Variants in ARID5B observed in about 807,000 individuals in gnomAD.
ARID5B encodes the protein AT-rich interactive domain-containing protein 5B.
ARID5B carries 13 observed loss-of-function variants against 97.2 expected under a neutral mutation model. The ratio of observed to expected loss-of-function variants is 0.13; its 90% CI spans 0.09 to 0.21. The LOEUF (loss-of-function observed/expected upper bound fraction) is 0.21, where lower values mean the gene tolerates loss of function less well. Among genes scored for constraint, ARID5B ranks in the 10% least tolerant of loss-of-function variants. ARID5B has a pLI of 1.00. For synonymous variants in ARID5B, 556 were observed against 570.3 expected (o/e 0.97, Z 0.36); for missense variants, 1,210 against 1,465.3 (o/e 0.83, Z 2.84).
Position 61,957,979 on chromosome 10 carries a change from C to T in ARID5B, c.502+17571C>T, listed in dbSNP as rs117602071. On this transcript the variant is annotated intron_variant, in intron 3 of 9. Coordinates refer to ENST00000279873, the MANE Select transcript of ARID5B (RefSeq NM_032199.3). ...GGGACCCAGTCACTGCCCTCAACTA[C>T]GGCCTTCATTTTGAGGTTGTCCACC... Among the ~76,000 whole-genome samples the T allele has an allele frequency of 7.7e-3, 1,166 of 152,276 alleles. 5 individuals carry two copies. Among genetic ancestry groups the T allele is most frequent in the Non-Finnish European group, 0.012 (786 of 68,028 alleles).
intron 3 of ARID5B, among the ~76,000 whole-genome samples, chr10:61,983,897 T>G (rs1838812451): frequency 8.0e-5 from 1 of 12,502 alleles, no homozygotes; most frequent in East Asian, 3.7e-3. Flanking sequence ...TTTTTTTTTT[T>G]TGAGACGGAG....
intron 2 of ARID5B, among the ~76,000 whole-genome samples, chr10:61,902,682 TG>T (rs1393932944): frequency 2.0e-5 from 3 of 149,192 alleles, no homozygotes; most frequent in Non-Finnish European, 4.5e-5. Context: ...GATGTGTGTG[TG>T]TGTGTGTGTG....
rs1554843604 is a variant in ARID5B, at chr10:62,000,874, T to TAGATA, written c.733+553_733+554insAGATA. On this transcript the variant is annotated intron_variant, in intron 4 of 9. Transcript: ENST00000279873. The surrounding 1 kb of genome is among the most constrained non-coding windows in gnomAD (Gnocchi z 4.4). Reference sequence around the variant, plus strand: ...ATAGATAGATAGATAGATAGATAGATGATAGGTGATAGATATCCATGTCCT... The same window carrying TAGATA: ...ATAGATAGATAGATAGATAGATAGATAGATAGATAGGTGATAGATATCCATGTCCT... Among the ~76,000 whole-genome samples, 2 of 148,094 alleles carry TAGATA rather than the reference T, an allele frequency of 1.4e-5. No homozygotes were observed. Among genetic ancestry groups the TAGATA allele is most frequent in the African/African-American group, 2.5e-5 (1 of 39,958 alleles).
intron 3 of ARID5B, among the ~76,000 whole-genome samples, chr10:61,977,871 G>T (rs187247692): frequency 6.6e-6 from 1 of 152,070 alleles, no homozygotes; most frequent in Admixed American, 6.6e-5. Flanking sequence ...TAATTAGATC[G>T]CATTTGTCAA....
chr10:61,946,720 A>G (rs1417509659), intron 3 of ARID5B, among the ~76,000 whole-genome samples: 1 of 152,198 alleles, frequency 6.6e-6, no homozygotes. Context: ...CAGGAGTTCA[A>G]GATCAGCCTG....
At chr10:61,995,567 A>C (rs1244765167) in intron 3 of ARID5B, among the ~76,000 whole-genome samples, 1 of 152,092 alleles carries the variant, frequency 6.6e-6, no homozygotes, top group Non-Finnish European at 1.5e-5. Context: ...AGATCTGGAA[A>C]TCTCTCCCCA....
chr10:62,021,066 A>ATATATATATATATATC (rs1487253733), intron 4 of ARID5B, among the ~76,000 whole-genome samples: 1 of 133,326 alleles, frequency 7.5e-6, no homozygotes, highest in Non-Finnish European at 1.6e-5. Flanking sequence ...ATATATATAT[A>ATATATATATATATATC]TATCTCAGAA....
At chr10:62,086,699 A>AC (rs1840287049) in intron 9 of ARID5B, among the ~76,000 whole-genome samples, 1 of 127,676 alleles carries the variant, frequency 7.8e-6, no homozygotes, top group Non-Finnish European at 1.7e-5. Flanking sequence ...TCAAAAAAAA[A>AC]AAAAAAAAAA....
intron 4 of ARID5B, among the ~76,000 whole-genome samples, chr10:62,022,319 C>T (rs1434327687): frequency 6.6e-6 from 1 of 152,228 alleles, no homozygotes; most frequent in Non-Finnish European, 1.5e-5. Flanking sequence ...TTACTTGTGT[C>T]TCACAGCTGC....
chr10:61,991,286 G>A (rs982440441), intron 3 of ARID5B, among the ~76,000 whole-genome samples: 1 of 152,022 alleles, frequency 6.6e-6, no homozygotes, highest in African/African-American at 2.4e-5. Flanking sequence ...TTTCATCATG[G>A]CTGCACCATT....
chr10:62,068,582 G>A (rs1018366225), intron 7 of ARID5B, among the ~76,000 whole-genome samples: 3 of 150,260 alleles, frequency 2.0e-5, no homozygotes, highest in African/African-American at 2.5e-5. Context: ...GGTGAACTCC[G>A]CTGGCAGCCT....
intron 2 of ARID5B, among the ~76,000 whole-genome samples, chr10:61,924,742 T>C (rs1010514883): frequency 2.0e-5 from 3 of 152,248 alleles, no homozygotes; most frequent in African/African-American, 7.2e-5. Context: ...GCTCTTCTAA[T>C]TAATGGCAAC....
intron 4 of ARID5B, among the ~76,000 whole-genome samples, chr10:62,017,259 C>T (rs1839295908): frequency 6.6e-6 from 1 of 152,116 alleles, no homozygotes; most frequent in Non-Finnish European, 1.5e-5. Context: ...TGAAGACCAG[C>T]CTGGCCAACA....
At chr10:61,902,673 ATGTG>A (rs59459790) in intron 2 of ARID5B, among the ~76,000 whole-genome samples, 7,008 of 148,236 alleles carry the variant, frequency 0.047, 196 homozygotes, top group South Asian at 0.075. Flanking sequence ...TTGTTCAAGG[ATGTG>A]TGTGTGTGTG....
At chr10:61,955,639 A>G (rs1370485731) in intron 3 of ARID5B, among the ~76,000 whole-genome samples, 1 of 152,052 alleles carries the variant, frequency 6.6e-6, no homozygotes, top group Non-Finnish European at 1.5e-5. Flanking sequence ...CCCTTTGCAG[A>G]AATCTTTTTT....
At position 62,093,008 on chromosome 10, in the gene ARID5B, T is replaced by G; in HGVS notation, c.3545T>G (p.Val1182Gly). Reference protein sequence around the residue: ...AAFPSSQLSSVHPSTKL With the variant: ...AAFPSSQLSSGHPSTKL ...TTTCCATCTTCCCAGCTGTCATCCGTGCACCCCAGTACAAAACTGTAGGCT... is the reference window on the plus strand; with the variant it reads ...TTTCCATCTTCCCAGCTGTCATCCGGGCACCCCAGTACAAAACTGTAGGCT... The change falls in exon 10 of 10, where the codon GTG (valine) becomes GGG (glycine). Residue 1182 changes from valine (V) to glycine (G), a missense_variant. Coordinates refer to ENST00000279873, the MANE Select transcript of ARID5B (RefSeq NM_032199.3). 1 of 1,610,388 alleles carries G rather than the reference T, an allele frequency of 6.2e-7. No homozygotes were observed. Among genetic ancestry groups the G allele is most frequent in the South Asian group, 1.1e-5 (1 of 90,876 alleles).
intron 4 of ARID5B, among the ~76,000 whole-genome samples, chr10:62,043,467 G>T (rs918070243): frequency 3.9e-5 from 6 of 152,160 alleles, no homozygotes; most frequent in African/African-American, 1.2e-4. Flanking sequence ...TTTCTCCCTT[G>T]CCTCAAGACA....
rs555521046 is a variant in ARID5B at position 61,956,350 on chromosome 10, C to T, written c.502+15942C>T. On this transcript the variant is annotated intron_variant, in intron 3 of 9. Coordinates refer to ENST00000279873, the MANE Select transcript of ARID5B (RefSeq NM_032199.3). ...ATGATCTGAGGTGGAACAGTTTCATCCTGAAACCATCCCACACAGTCCATG... is the reference window on the plus strand; with the variant it reads ...ATGATCTGAGGTGGAACAGTTTCATTCTGAAACCATCCCACACAGTCCATG... 4.6e-5 allele frequency among the ~76,000 whole-genome samples: 7 copies of T among 152,294 alleles called. No homozygotes were observed. In the South Asian group the frequency reaches 1.2e-3, roughly 27 times the overall value.
At chr10:61,953,985 C>T (rs1564612158) in intron 3 of ARID5B, among the ~76,000 whole-genome samples, 2 of 152,146 alleles carry the variant, frequency 1.3e-5, no homozygotes, top group Non-Finnish European at 2.9e-5. Flanking sequence ...TATTATAAGA[C>T]ATTGAAATTG....
Sources: gnomAD v4.1 joint callset for allele counts (sites outside exome capture counted in the v4.1 genomes callset) on GRCh38, gnomAD v4.1.1 for gene constraint, Gnocchi (gnomAD v3.1) non-coding constraint, MANE v1.5 for transcripts, NCBI Gene and HGNC (gene_info 2026-07-23, HGNC 2026-07-21) for gene names.